Variants in FARP2 observed in about 807,000 individuals in gnomAD.
The protein encoded by FARP2 is FERM, ARHGEF and pleckstrin domain-containing protein 2.
FARP2 carries 111 observed loss-of-function variants against 130.5 expected under a neutral mutation model. The observed-to-expected ratio is 0.85, with a 90% CI of 0.73 to 1.00. The LOEUF is 1.00. FARP2 is among the 50% of genes least tolerant of loss of function. The pLI, the probability that FARP2 is intolerant of heterozygous loss-of-function variation, is 0.00. For missense variants in FARP2, 1,385 were observed against 1,346.3 expected, an observed-to-expected ratio of 1.03 and a Z score of -0.45; for synonymous variants, 504 against 516.9, an observed-to-expected ratio of 0.98 and a Z score of 0.34.
At chr2:241,493,162 T>C in intron 25 of FARP2, 126 bp downstream of exon 25, 2 of 1,196,884 alleles carry the variant, frequency 1.7e-6, no homozygotes, top group South Asian at 1.3e-5. Flanking sequence ...CCCTGTGCTG[T>C]GTGAACAGGG....
intron 1 of FARP2, among the ~76,000 whole-genome samples, chr2:241,358,372 A>G (rs558941071): frequency 1.3e-5 from 2 of 152,346 alleles, no homozygotes; most frequent in East Asian, 1.9e-4. Context: ...TAATTAAGCA[A>G]ATTTATCCTG....
At chr2:241,489,591 C>T (rs2064844707) in intron 21 of FARP2, 1 of 161,466 alleles carries the variant, frequency 6.2e-6, no homozygotes, top group Admixed American at 6.2e-5. Context: ...AATTAATCCA[C>T]AGTGGGTTTT....
At chr2:241,474,801 TAATAAATAAATAAATAAATA>T (rs56306612) in intron 18 of FARP2, among the ~76,000 whole-genome samples, 1 of 140,314 alleles carries the variant, frequency 7.1e-6, no homozygotes, top group African/African-American at 2.7e-5. Context: ...CTAATAATAA[TAATAAATAAATAAATAAATA>T]AATAAATAAA....
chr2:241,360,900 T>C (rs1310474946), intron 1 of FARP2, among the ~76,000 whole-genome samples: 1 of 152,176 alleles, frequency 6.6e-6, no homozygotes, highest in Non-Finnish European at 1.5e-5. Context: ...ATTTTTATTG[T>C]TGATAGGGTA....
chr2:241,370,114 G>A (rs572142336), intron 1 of FARP2, among the ~76,000 whole-genome samples: 29 of 152,246 alleles, frequency 1.9e-4, no homozygotes, highest in Middle Eastern at 3.4e-3. Context: ...CTATTGTTTG[G>A]TAGCACAATA....
At chr2:241,440,642 C>T (rs906161796) in intron 12 of FARP2, among the ~76,000 whole-genome samples, 2 of 152,136 alleles carry the variant, frequency 1.3e-5, no homozygotes, top group African/African-American at 4.8e-5. Flanking sequence ...TGTCCTAACT[C>T]CCTCGCGACG....
chr2:241,476,108 C>T (rs73006397), intron 19 of FARP2, 121 bp downstream of exon 19: 180,444 of 816,794 alleles, frequency 0.22, 21,733 homozygotes, highest in East Asian at 0.4. Flanking sequence ...CACAGTGGCT[C>T]ATACCTGTAA....
intron 12 of FARP2, 150 bp downstream of exon 12, chr2:241,436,688 G>T (rs2063238575): frequency 1.4e-6 from 1 of 726,444 alleles, no homozygotes; most frequent in Non-Finnish European, 2.3e-6. Flanking sequence ...TCAGAAAGGG[G>T]TCCTGAATAG....
At chr2:241,407,223 T>A in intron 4 of FARP2, among the ~76,000 whole-genome samples, 1 of 152,132 alleles carries the variant, frequency 6.6e-6, no homozygotes, top group East Asian at 1.9e-4. Context: ...AGGAAATGCT[T>A]CTTTGTTTTT....
At position 241,491,602 on chromosome 2, in the gene FARP2, C is replaced by G. The variant is rs374237544; in HGVS notation, c.2710C>G (p.Arg904Gly). The G allele has an allele frequency of 3.1e-6, 5 of 1,613,608 alleles. No homozygotes were observed. The highest frequency in any genetic ancestry group is 1.3e-5 in the African/African-American group (1 of 74,920). ...CTCCCTGGAGGGGCATGGCCAGCACCGGGCCAACACCACAATGCACGTGTG... is the reference window on the plus strand; with the variant it reads ...CTCCCTGGAGGGGCATGGCCAGCACGGGGCCAACACCACAATGCACGTGTG... ...RSSLEGHGQH[R>G]ANTTMHVCWY... The change falls in exon 24 of 27, where the codon CGG becomes GGG. Residue 904 changes from arginine to glycine, a missense_variant. Transcript: ENST00000264042.
intron 2 of FARP2, among the ~76,000 whole-genome samples, chr2:241,391,479 G>T (rs577669990): frequency 6.6e-6 from 1 of 152,194 alleles, no homozygotes; most frequent in East Asian, 1.9e-4. Flanking sequence ...CTGCTTTTGT[G>T]CTCAGATGGC....
intron 13 of FARP2, among the ~76,000 whole-genome samples, chr2:241,450,095 G>A (rs1421951228): frequency 1.3e-5 from 2 of 152,092 alleles, no homozygotes; most frequent in African/African-American, 4.8e-5. Flanking sequence ...TTTTGGCCAG[G>A]AATCAGAGCA....
At chr2:241,410,792 C>T in intron 5 of FARP2, 1 of 463,322 alleles carries the variant, frequency 2.2e-6, no homozygotes, top group South Asian at 2.2e-5. Flanking sequence ...CCTTTGCGCT[C>T]TCCCATGTGT....
chr2:241,452,653 A>G (rs1320598341), intron 13 of FARP2, among the ~76,000 whole-genome samples: 2 of 152,004 alleles, frequency 1.3e-5, no homozygotes, highest in Non-Finnish European at 2.9e-5. Context: ...AAAAGAAAGA[A>G]AAAGAGTCTG....
chr2:241,373,060 TG>T, intron 1 of FARP2, 23 bp from the exon 2 acceptor site: 3 of 1,104,070 alleles, frequency 2.7e-6, no homozygotes, highest in Non-Finnish European at 2.4e-6. Flanking sequence ...TTCCTTCATG[TG>T]GTTTTTTTTT....
At chr2:241,361,372 A>G (rs546219930) in intron 1 of FARP2, among the ~76,000 whole-genome samples, 1 of 152,330 alleles carries the variant, frequency 6.6e-6, no homozygotes, top group East Asian at 1.9e-4. Flanking sequence ...TAGTAGAAGT[A>G]ACTGTAAACA....
chr2:241,466,126 C>T (rs1335965646), intron 17 of FARP2: 1 of 1,070,542 alleles, frequency 9.3e-7, no homozygotes. Context: ...GCTCTGTCCA[C>T]AAAACCAAAT....
chr2:241,389,830 A>G (rs1320572615), intron 2 of FARP2, among the ~76,000 whole-genome samples: 1 of 152,240 alleles, frequency 6.6e-6, no homozygotes, highest in Non-Finnish European at 1.5e-5. Context: ...TGAAGCAGAT[A>G]AGTTATTCAC....
chr2:241,384,184 A>T (rs1436361760), intron 2 of FARP2, among the ~76,000 whole-genome samples: 1 of 152,040 alleles, frequency 6.6e-6, no homozygotes, highest in African/African-American at 2.4e-5. Context: ...CTGAACTTTT[A>T]TTCTTAGAGA....
Sources: gnomAD v4.1 joint callset for allele counts (sites outside exome capture counted in the v4.1 genomes callset) on GRCh38, gnomAD v4.1.1 for gene constraint, MANE v1.5 for transcripts, NCBI Gene and HGNC (gene_info 2026-07-23, HGNC 2026-07-21) for gene names.